Variants in CTNNA2 observed in about 807,000 individuals in gnomAD.
The protein encoded by CTNNA2 is catenin alpha 2.
In CTNNA2, 42 loss-of-function variants were observed where a neutral mutation model predicts 101.0. The observed-to-expected ratio is 0.42, with a 90% CI of 0.32 to 0.54. CTNNA2 has a LOEUF of 0.54. Among genes scored for constraint, CTNNA2 ranks in the 20% least tolerant of loss-of-function variants. The pLI is 0.14. For synonymous variants in CTNNA2, 450 were observed against 456.4 expected (o/e 0.99, Z 0.18); for missense variants, 871 against 1,223.1 (o/e 0.71, Z 4.29).
At chr2:80,407,282 T>C (rs761925728) in intron 8 of CTNNA2, among the ~76,000 whole-genome samples, 2 of 152,192 alleles carry the variant, frequency 1.3e-5, no homozygotes, top group Non-Finnish European at 2.9e-5. Context: ...CTTAAGGAGA[T>C]AGCTTCTGGA....
chr2:79,350,397 G>A (rs1677360845), intron 3 of CTNNA2, among the ~76,000 whole-genome samples: 1 of 152,022 alleles, frequency 6.6e-6, no homozygotes, highest in Non-Finnish European at 1.5e-5. Flanking sequence ...TTGATTTTCT[G>A]TTTCTAAGCT....
chr2:80,054,770 GT>G (rs1382831524), intron 7 of CTNNA2, among the ~76,000 whole-genome samples: 1 of 152,120 alleles, frequency 6.6e-6, no homozygotes, highest in Non-Finnish European at 1.5e-5. Context: ...AGGTATACTG[GT>G]AGCAGAAGAG....
intron 4 of CTNNA2, among the ~76,000 whole-genome samples, chr2:79,479,970 G>T (rs1273775693): frequency 3.9e-5 from 6 of 152,080 alleles, no homozygotes; most frequent in African/African-American, 1.4e-4. Flanking sequence ...TCAAAGAAAA[G>T]AGGTTTATTT....
chr2:79,492,223 G>T (rs1030543), intron 4 of CTNNA2, among the ~76,000 whole-genome samples: 54,497 of 151,498 alleles, frequency 0.36, 10,674 homozygotes, highest in African/African-American at 0.52. Flanking sequence ...TAACCATATT[G>T]AACTCTAATT....
At chr2:80,259,493 T>A (rs530322405) in intron 7 of CTNNA2, among the ~76,000 whole-genome samples, 1 of 152,270 alleles carries the variant, frequency 6.6e-6, no homozygotes, top group African/African-American at 2.4e-5. Flanking sequence ...CTGTCATATA[T>A]CCCTCTTCAC....
At chr2:79,908,605 T>C (rs1448836613) in intron 6 of CTNNA2, among the ~76,000 whole-genome samples, 3 of 152,224 alleles carry the variant, frequency 2.0e-5, no homozygotes, top group South Asian at 2.1e-4. Context: ...TCACATACCA[T>C]CACGCTCTAC....
intron 7 of CTNNA2, among the ~76,000 whole-genome samples, chr2:80,379,312 C>T (rs1165341558): frequency 6.6e-6 from 1 of 152,146 alleles, no homozygotes; most frequent in Admixed American, 6.5e-5. Context: ...TTGATGTCTA[C>T]AGGTGGATAT....
intron 2 of CTNNA2, among the ~76,000 whole-genome samples, chr2:79,241,478 C>A (rs1181140355): frequency 1.3e-5 from 2 of 152,138 alleles, no homozygotes; most frequent in African/African-American, 4.8e-5. Flanking sequence ...ATCTGAAAAA[C>A]AATTGATGAG....
chr2:80,317,840 GA>G (rs1268302794), intron 7 of CTNNA2, among the ~76,000 whole-genome samples: 4 of 152,146 alleles, frequency 2.6e-5, no homozygotes, highest in Non-Finnish European at 5.9e-5. Context: ...TCAGCTTCAT[GA>G]TGCTCAGATG....
At chr2:80,102,987 G>T (rs1700639740) in intron 7 of CTNNA2, among the ~76,000 whole-genome samples, 1 of 152,158 alleles carries the variant, frequency 6.6e-6, no homozygotes, top group Non-Finnish European at 1.5e-5. Flanking sequence ...TACCAGTGCT[G>T]CAAGAGTCCC....
intron 2 of CTNNA2, among the ~76,000 whole-genome samples, chr2:79,735,597 A>G (rs1034245684): frequency 2.6e-5 from 4 of 152,242 alleles, no homozygotes; most frequent in Admixed American, 2.6e-4. Flanking sequence ...GACCACAGCA[A>G]CTGAGTTACA....
intron 3 of CTNNA2, among the ~76,000 whole-genome samples, chr2:79,315,087 G>T (rs1355028627): frequency 1.3e-5 from 2 of 151,728 alleles, no homozygotes; most frequent in Non-Finnish European, 2.9e-5. Context: ...CTCTCTCTAG[G>T]GCTCTCCTTC....
In CTNNA2 at chr2:79,632,772, G is replaced by T. The variant is rs923573843; in HGVS notation, c.-5-18780G>T. ...CAAAATGGCCCCTGGAAAATATTAT[G>T]TGAGTAATACAGCCCCTACCTGAAA... On this transcript the variant is annotated intron_variant, in intron 1 of 18. Transcript: ENST00000402739. Among the ~76,000 whole-genome samples the T allele has an allele frequency of 1.2e-4, 18 of 152,304 alleles. No homozygotes were observed. In the East Asian group the frequency reaches 3.5e-3, roughly 29 times the overall value.
chr2:80,451,048 T>G (rs1414091687), intron 9 of CTNNA2, among the ~76,000 whole-genome samples: 1 of 152,184 alleles, frequency 6.6e-6, no homozygotes, highest in Non-Finnish European at 1.5e-5. Flanking sequence ...TACCTTTCTC[T>G]GAAAATATCT....
At chr2:80,035,502 G>A (rs564194444) in intron 7 of CTNNA2, among the ~76,000 whole-genome samples, 14 of 152,218 alleles carry the variant, frequency 9.2e-5, no homozygotes, top group African/African-American at 3.4e-4. Flanking sequence ...AAACTAATCT[G>A]ACAGCCTAGC....
intron 18 of CTNNA2, among the ~76,000 whole-genome samples, chr2:80,626,155 A>G (rs1319640815): frequency 1.3e-5 from 2 of 152,076 alleles, no homozygotes; most frequent in Non-Finnish European, 1.5e-5. Flanking sequence ...AATGCCCACT[A>G]TTGTATTAAA....
chr2:79,362,794 G>T (rs6741128), intron 3 of CTNNA2, among the ~76,000 whole-genome samples: 47,986 of 152,062 alleles, frequency 0.32, 7,847 homozygotes, highest in Admixed American at 0.42. Flanking sequence ...CGTTGACAAA[G>T]GATGACACAG....
At chr2:79,982,703 G>A (rs6741716) in intron 7 of CTNNA2, among the ~76,000 whole-genome samples, 29,984 of 151,852 alleles carry the variant, frequency 0.2, 3,159 homozygotes, top group South Asian at 0.33. Flanking sequence ...TTGGTCTGTC[G>A]TCCTCAGTGC....
intron 7 of CTNNA2, among the ~76,000 whole-genome samples, chr2:80,126,911 C>T (rs1702165460): frequency 6.6e-6 from 1 of 152,184 alleles, no homozygotes; most frequent in African/African-American, 2.4e-5. Flanking sequence ...AAGAAAACCA[C>T]ATGGGGAGGA....
Sources: gnomAD v4.1 joint callset for allele counts (sites outside exome capture counted in the v4.1 genomes callset) on GRCh38, gnomAD v4.1.1 for gene constraint, MANE v1.5 for transcripts, NCBI Gene and HGNC (gene_info 2026-07-23, HGNC 2026-07-21) for gene names.